Variants in TMEM132D observed in about 807,000 individuals in gnomAD.
TMEM132D encodes mature OL transmembrane protein.
In TMEM132D, 21 loss-of-function variants were observed where a neutral mutation model predicts 62.3. That is an observed-to-expected ratio of 0.34 (90% CI 0.24 to 0.49). TMEM132D has a LOEUF of 0.49. Ranked by LOEUF, TMEM132D falls within the 20% of genes least tolerant of loss-of-function variation. The pLI is 0.99. For synonymous variants in TMEM132D, 621 were observed against 575.6 expected, an observed-to-expected ratio of 1.08 and a Z score of -1.13; for missense variants, 1,346 against 1,402.8, an observed-to-expected ratio of 0.96 and a Z score of 0.65.
chr12:129,416,564 C>A (rs1200500358), intron 3 of TMEM132D, among the ~76,000 whole-genome samples: 1 of 152,156 alleles, frequency 6.6e-6, no homozygotes, highest in Non-Finnish European at 1.5e-5. Context: ...TGCCTGACTG[C>A]CCTGGCCAGC....
intron 5 of TMEM132D, among the ~76,000 whole-genome samples, chr12:129,095,330 C>T (rs1875074262): frequency 6.7e-6 from 1 of 148,732 alleles, no homozygotes; most frequent in Non-Finnish European, 1.5e-5. Flanking sequence ...CCCCTAACAC[C>T]ACAATATGCC....
intron 5 of TMEM132D, among the ~76,000 whole-genome samples, chr12:129,103,399 C>T (rs1005698749): frequency 3.9e-5 from 6 of 152,242 alleles, no homozygotes; most frequent in African/African-American, 1.2e-4. Flanking sequence ...GCCCCCACCT[C>T]GGAGGCCTGG....
chr12:129,682,676 A>G (rs767186727), intron 2 of TMEM132D, among the ~76,000 whole-genome samples: 2 of 151,810 alleles, frequency 1.3e-5, no homozygotes, highest in Non-Finnish European at 2.9e-5. Flanking sequence ...TGGCTAACAC[A>G]GTGAAATCCT....
At chr12:129,292,225 T>G (rs1881466114) in intron 4 of TMEM132D, among the ~76,000 whole-genome samples, 1 of 152,232 alleles carries the variant, frequency 6.6e-6, no homozygotes, top group African/African-American at 2.4e-5. Context: ...TCCTTTTTGT[T>G]ACACTGATAG....
At chr12:129,637,156 C>G (rs1332174858) in intron 2 of TMEM132D, among the ~76,000 whole-genome samples, 2 of 152,128 alleles carry the variant, frequency 1.3e-5, no homozygotes, top group East Asian at 1.9e-4. Flanking sequence ...AGAGATTTAA[C>G]TATAATAGCC....
chr12:129,463,536 C>T (rs1482474621), intron 3 of TMEM132D, among the ~76,000 whole-genome samples: 1 of 151,408 alleles, frequency 6.6e-6, no homozygotes, highest in African/African-American at 2.4e-5. Context: ...AGGTTTGTTA[C>T]ATATGTATAC....
intron 5 of TMEM132D, among the ~76,000 whole-genome samples, chr12:129,203,749 G>A (rs1429256148): frequency 6.6e-6 from 1 of 152,234 alleles, no homozygotes; most frequent in Non-Finnish European, 1.5e-5. Flanking sequence ...GAGCTCTAAG[G>A]ACAGGCGGGC....
At chr12:129,296,855 A>G (rs1210688288) in intron 4 of TMEM132D, among the ~76,000 whole-genome samples, 1 of 152,226 alleles carries the variant, frequency 6.6e-6, no homozygotes, top group African/African-American at 2.4e-5. Flanking sequence ...TACCAAGCTC[A>G]TTAGTATTTG....
At chr12:129,473,324 GTTTTTTT>G (rs751523415) in intron 3 of TMEM132D, among the ~76,000 whole-genome samples, 3 of 81,550 alleles carry the variant, frequency 3.7e-5, no homozygotes, top group Non-Finnish European at 6.5e-5. Flanking sequence ...TTTAGTTTTT[GTTTTTTT>G]TTTTTTTTTT....
At chr12:129,854,762 A>C (rs926331303) in intron 1 of TMEM132D, 1 of 152,220 alleles carries the variant, frequency 6.6e-6, no homozygotes, top group Non-Finnish European at 1.5e-5. Flanking sequence ...TATGGAAATG[A>C]GACACAGTTA....
intron 2 of TMEM132D, among the ~76,000 whole-genome samples, chr12:129,621,000 A>T (rs1200279076): frequency 6.6e-6 from 1 of 152,180 alleles, no homozygotes; most frequent in East Asian, 1.9e-4. Flanking sequence ...AAAATAAAAA[A>T]TAAAGAAGTC....
chr12:129,129,035 A>G (rs1876296246), intron 5 of TMEM132D, among the ~76,000 whole-genome samples: 1 of 152,204 alleles, frequency 6.6e-6, no homozygotes, highest in Admixed American at 6.5e-5. Flanking sequence ...CGGGGTTTCT[A>G]CTTGGGTATA....
chr12:129,084,726 G>C, intron 5 of TMEM132D, 24 bp from the exon 6 acceptor site: 1 of 1,610,842 alleles, frequency 6.2e-7, no homozygotes, highest in Non-Finnish European at 8.5e-7. Flanking sequence ...AGAGAGAAAA[G>C]GGGAGGGAAA....
At chr12:129,322,510 C>G (rs2135644155) in intron 4 of TMEM132D, among the ~76,000 whole-genome samples, 1 of 151,626 alleles carries the variant, frequency 6.6e-6, no homozygotes, top group East Asian at 2.0e-4. Flanking sequence ...AGAAGACATT[C>G]CGTTTATTTT....
chr12:129,615,880 G>C (rs552679296), intron 2 of TMEM132D, among the ~76,000 whole-genome samples: 1 of 152,094 alleles, frequency 6.6e-6, no homozygotes, highest in African/African-American at 2.4e-5. Flanking sequence ...TGCTACCCCC[G>C]TCCCAGAGCC....
chr12:129,621,522 C>A (rs964466709), intron 2 of TMEM132D, among the ~76,000 whole-genome samples: 8 of 146,892 alleles, frequency 5.4e-5, no homozygotes, highest in African/African-American at 2.0e-4. Context: ...GCTGTGCTTG[C>A]ACCACCGATG....
At chr12:129,480,908 G>A (rs368902268) in intron 3 of TMEM132D, among the ~76,000 whole-genome samples, 1 of 152,190 alleles carries the variant, frequency 6.6e-6, no homozygotes, top group East Asian at 1.9e-4. Context: ...CTGCAGCATC[G>A]TGTGTGGAGC....
chr12:129,075,141 G>C, intron 8 of TMEM132D, 82 bp from the exon 9 acceptor site: 1 of 1,112,320 alleles, frequency 9.0e-7, no homozygotes, highest in South Asian at 1.6e-5. Flanking sequence ...GACACACAAC[G>C]GCAAAACTAT....
At chr12:129,591,710 C>A (rs1044126965) in intron 2 of TMEM132D, among the ~76,000 whole-genome samples, 3 of 151,782 alleles carry the variant, frequency 2.0e-5, no homozygotes, top group African/African-American at 4.8e-5. Context: ...CCTCACGAAG[C>A]TTTTTTCCCC....
Sources: allele counts gnomAD v4.1 joint callset (sites outside exome capture counted in the v4.1 genomes callset), GRCh38; gene constraint gnomAD v4.1.1; transcripts MANE v1.5; gene names NCBI Gene and HGNC (gene_info 2026-07-23, HGNC 2026-07-21).